ULK4: variants seen among roughly 807,000 people sequenced by gnomAD.
The protein encoded by ULK4 is inactive serine/threonine-protein kinase ULK4.
In ULK4, 133 loss-of-function variants were observed where a neutral mutation model predicts 160.6. That is an observed-to-expected ratio of 0.83 (90% confidence interval 0.72 to 0.96). ULK4 has a LOEUF of 0.96. ULK4 is among the 40% of genes least tolerant of loss of function. The pLI is 0.00. For synonymous variants in ULK4, 534 were observed against 539.8 expected (o/e 0.99, Z 0.15); for missense variants, 1,580 against 1,499.5 (o/e 1.05, Z -0.89).
At chr3:41,922,275 G>A (rs1286343823) in intron 5 of ULK4, among the ~76,000 whole-genome samples, 2 of 152,170 alleles carry the variant, frequency 1.3e-5, no homozygotes, top group Non-Finnish European at 2.9e-5. Context: ...ATCACTTGAG[G>A]CCTGGAGTTC....
intron 22 of ULK4, among the ~76,000 whole-genome samples, chr3:41,738,660 G>A (rs144402046): frequency 1.2e-4 from 18 of 151,952 alleles, no homozygotes; most frequent in Non-Finnish European, 2.2e-4. Flanking sequence ...CTGCAGCTCC[G>A]AGGTCTACAG....
chr3:41,861,073 T>C lies in ULK4; in HGVS notation c.1656+22801A>G, dbSNP rs140103923. On this transcript the variant is annotated intron_variant, in intron 17 of 36. Transcript: ENST00000301831. ...ATCATGCCCCTGCTTTTAAACTTTT[T>C]GCTGTTTCTATTTAGATCTCATTGC... is the stretch of plus-strand genomic sequence containing the variant. Among the ~76,000 whole-genome samples the C allele has an allele frequency of 5.3e-5, 8 of 152,332 alleles. No individual in the cohort carries two copies. The South Asian group carries it at 8.3e-4, about 16-fold the overall frequency.
chr3:41,600,270 G>A (rs992329044), intron 31 of ULK4, among the ~76,000 whole-genome samples: 3 of 152,200 alleles, frequency 2.0e-5, no homozygotes, highest in African/African-American at 7.2e-5. Context: ...TCTGTGCGCA[G>A]GTGGTGACTA....
chr3:41,809,379 A>T (rs1464175548), intron 19 of ULK4, among the ~76,000 whole-genome samples: 1 of 116,990 alleles, frequency 8.5e-6, no homozygotes, highest in African/African-American at 2.8e-5. Flanking sequence ...AATATGTTAA[A>T]AAAAAAATCC....
intron 32 of ULK4, among the ~76,000 whole-genome samples, chr3:41,468,309 A>T (rs1276208671): frequency 6.6e-6 from 1 of 152,208 alleles, no homozygotes; most frequent in Non-Finnish European, 1.5e-5. Context: ...AAATTTAGAG[A>T]GAAACAGAGT....
chr3:41,455,466 TG>T, intron 34 of ULK4, 30 bp downstream of exon 34: 3 of 1,576,408 alleles, frequency 1.9e-6, no homozygotes, highest in Non-Finnish European at 2.6e-6. Context: ...ACTTCAGTAA[TG>T]CCCCAAAAGA....
intron 32 of ULK4, among the ~76,000 whole-genome samples, chr3:41,533,092 T>C (rs928475339): frequency 3.3e-5 from 5 of 152,088 alleles, no homozygotes; most frequent in African/African-American, 4.8e-5. Flanking sequence ...AGAGATCATG[T>C]AGAGAGAGAG....
At chr3:41,675,862 T>C (rs1201851064) in intron 29 of ULK4, among the ~76,000 whole-genome samples, 1 of 152,254 alleles carries the variant, frequency 6.6e-6, no homozygotes, top group Non-Finnish European at 1.5e-5. Flanking sequence ...TTCAGACTTC[T>C]GGCTTCCTGA....
chr3:41,370,704 C>T lies in ULK4; in HGVS notation c.3678+27375G>A, dbSNP rs1313186548. 4.6e-5 allele frequency among the ~76,000 whole-genome samples: 7 copies of T among 152,192 alleles called. No individual in the cohort carries two copies. In the East Asian group the frequency reaches 1.4e-3, roughly 29 times the overall value. ...CCGCAGGTGCCTACACCACAAAAGCCCTGGGTTTCATGCACAAAACTGGGT... is the reference window on the plus strand; with the variant it reads ...CCGCAGGTGCCTACACCACAAAAGCTCTGGGTTTCATGCACAAAACTGGGT... On this transcript the variant is annotated intron_variant, in intron 35 of 36. Transcript: ENST00000301831.
intron 21 of ULK4, among the ~76,000 whole-genome samples, chr3:41,762,308 T>TA (rs2039008582): frequency 6.6e-6 from 1 of 152,138 alleles, no homozygotes; most frequent in African/African-American, 2.4e-5. Context: ...CAGCTCCTGT[T>TA]ACCATCATTC....
intron 34 of ULK4, among the ~76,000 whole-genome samples, chr3:41,405,684 C>T (rs768360234): frequency 2.0e-5 from 3 of 152,154 alleles, no homozygotes; most frequent in Non-Finnish European, 4.4e-5. Context: ...GAGATGGTAT[C>T]TCATTGTGGT....
intron 35 of ULK4, among the ~76,000 whole-genome samples, chr3:41,364,124 G>C (rs933632531): frequency 4.3e-4 from 65 of 152,130 alleles, no homozygotes; most frequent in African/African-American, 1.5e-3. Flanking sequence ...TTTTTGTAGA[G>C]ACAAGGTCTC....
Position 41,467,818 on chromosome 3 carries a change from T to C in ULK4, c.3227-4565A>G, listed in dbSNP as rs375482273. Among the ~76,000 whole-genome samples, 20 of 152,322 alleles carry C rather than the reference T, an allele frequency of 1.3e-4. No individual in the cohort carries two copies. In the East Asian group the frequency reaches 3.3e-3, roughly 25 times the overall value. On this transcript the variant is annotated intron_variant, in intron 32 of 36. Coordinates refer to ENST00000301831, the MANE Select transcript of ULK4 (RefSeq NM_017886.4). ...AAGTTATTTCTAGGAGAGGGGAAGA[T>C]GGAACTTTCTAGGGTGACAGAAATG...
intron 35 of ULK4, among the ~76,000 whole-genome samples, chr3:41,348,053 C>G (rs1354894626): frequency 6.6e-6 from 1 of 151,390 alleles, no homozygotes; most frequent in Non-Finnish European, 1.5e-5. Flanking sequence ...ACTAAAAATA[C>G]AAAAAATTAG....
rs764595474 is a variant in ULK4 at position 41,567,305 on chromosome 3, T to G, written c.3121-1175A>C. Reference sequence around the variant, plus strand: ...ATAAAAAAGTGAACCATATAATGTATTAGAAGATAGCAAGTACTCTGGCAA... The same window carrying G: ...ATAAAAAAGTGAACCATATAATGTAGTAGAAGATAGCAAGTACTCTGGCAA... On this transcript the variant is annotated intron_variant, in intron 31 of 36. Coordinates refer to ENST00000301831, the MANE Select transcript of ULK4 (RefSeq NM_017886.4). Among the ~76,000 whole-genome samples, 10 of 152,134 alleles carry G rather than the reference T, an allele frequency of 6.6e-5. No homozygotes were observed. In the East Asian group the frequency reaches 1.7e-3, roughly 26 times the overall value.
chr3:41,701,897 A>G (rs2036686055), intron 27 of ULK4, among the ~76,000 whole-genome samples: 1 of 152,168 alleles, frequency 6.6e-6, no homozygotes, highest in Non-Finnish European at 1.5e-5. Flanking sequence ...TAAAGTAACC[A>G]GTAAAAGAAT....
intron 20 of ULK4, 79 bp downstream of exon 20, chr3:41,800,053 T>A: frequency 2.4e-6 from 3 of 1,272,038 alleles, no homozygotes; most frequent in Non-Finnish European, 3.1e-6. Flanking sequence ...AAATTAAATT[T>A]ATTCTTATTC....
At chr3:41,916,651 T>G (rs1050628170) in intron 7 of ULK4, among the ~76,000 whole-genome samples, 2 of 151,368 alleles carry the variant, frequency 1.3e-5, no homozygotes, top group African/African-American at 4.8e-5. Context: ...TTGGATCTCC[T>G]AAAGTGCTGC....
rs1424096681 is a variant in ULK4 at position 41,916,012 on chromosome 3, C to T, written c.768G>A (p.Leu256=). ...GATCTCTTTGAAGTAACCCATCAAG[C>T]AAATTAATAAAATCTGAAGAAGCTT... ...RPKASSDFIN[L]LDGLLQRDPQ... is the part of the protein sequence containing the mutation. The change falls in exon 8 of 37, where the codon TTG becomes TTA. Residue 256 remains leucine (L), a synonymous_variant. Transcript: ENST00000301831. The T allele has an allele frequency of 6.3e-7, 1 of 1,588,204 alleles. No homozygotes were observed. Among genetic ancestry groups the T allele is most frequent in the Non-Finnish European group, 8.5e-7 (1 of 1,173,816 alleles).
Sources: gnomAD v4.1 joint callset for allele counts (sites outside exome capture counted in the v4.1 genomes callset) on GRCh38, gnomAD v4.1.1 for gene constraint, MANE v1.5 for transcripts, NCBI Gene and HGNC (gene_info 2026-07-23, HGNC 2026-07-21) for gene names.